ERCC6L2: variants seen among roughly 807,000 people sequenced by gnomAD.
ERCC6L2 encodes the protein DNA excision repair protein ERCC-6-like 2.
Under a neutral mutation model 132.0 loss-of-function variants are expected in ERCC6L2, and 77 were observed. The ratio of observed to expected loss-of-function variants is 0.58; its 90% CI spans 0.49 to 0.71. The LOEUF (loss-of-function observed/expected upper bound fraction) is 0.71. ERCC6L2 is among the 30% of genes least tolerant of loss of function. The pLI is 0.00. For missense variants in ERCC6L2, 1,542 were observed against 1,837.6 expected (o/e 0.84, Z 2.94); for synonymous variants, 583 against 632.4 (o/e 0.92, Z 1.17).
chr9:95,911,216 T>C (rs1293084349), intron 4 of ERCC6L2, among the ~76,000 whole-genome samples: 1 of 152,174 alleles, frequency 6.6e-6, no homozygotes, highest in Non-Finnish European at 1.5e-5. Context: ...TTTTAACCAA[T>C]ATACTGTACC....
At chr9:95,992,546 C>CT (rs1176340225) in intron 17 of ERCC6L2, among the ~76,000 whole-genome samples, 3 of 152,184 alleles carry the variant, frequency 2.0e-5, no homozygotes, top group African/African-American at 4.8e-5. Flanking sequence ...GGAATTAACT[C>CT]TAATTTACTA....
In ERCC6L2 at chr9:95,883,864, A is replaced by C. The variant is rs1827727406; in HGVS notation, c.471+2571A>C. On this transcript the variant is annotated intron_variant, in intron 2 of 18. Transcript: ENST00000653738. ...AGAGTGAGACTCTGTCTCACATACA[A>C]AAAAAGAAGAAACATGAGGGTACTA... 2.0e-5 allele frequency among the ~76,000 whole-genome samples: 3 copies of C among 152,194 alleles called. No homozygotes were observed. The South Asian group carries it at 6.2e-4, about 31-fold the overall frequency.
rs757255444 is a variant in ERCC6L2, at chr9:95,962,332, A to G, written c.1948-4230A>G. Among the ~76,000 whole-genome samples, 12 of 152,142 alleles carry G rather than the reference A, an allele frequency of 7.9e-5. 1 individual carries two copies. Among genetic ancestry groups the G allele is most frequent in the Non-Finnish European group, 1.2e-4 (8 of 68,030 alleles). On this transcript the variant is annotated intron_variant, in intron 13 of 18. Coordinates refer to ENST00000653738, the MANE Select transcript of ERCC6L2 (RefSeq NM_020207.7). The stretch of plus-strand genomic sequence containing the variant: ...CTCATATACTACTGTTGAGAGTACA[A>G]CTGGTATAGGTATATGTAGAGTCTC...
chr9:95,933,839 C>G (rs1830445067), intron 11 of ERCC6L2, among the ~76,000 whole-genome samples: 1 of 71,574 alleles, frequency 1.4e-5, no homozygotes, highest in African/African-American at 6.5e-5. Context: ...GAGCAAGACT[C>G]TGTCTCAAAA....
At chr9:95,894,179 G>A (rs1479050524) in intron 2 of ERCC6L2, among the ~76,000 whole-genome samples, 1 of 150,978 alleles carries the variant, frequency 6.6e-6, no homozygotes, top group African/African-American at 2.4e-5. Flanking sequence ...ATCTCATATA[G>A]TTTATTGAAT....
chr9:96,037,925 A>G (rs750410645), intron 19 of ERCC6L2, among the ~76,000 whole-genome samples: 1 of 151,876 alleles, frequency 6.6e-6, no homozygotes, highest in East Asian at 1.9e-4. Context: ...TCTAGTATCT[A>G]TGGATTTGGC....
rs774802251 is a variant in ERCC6L2, at chr9:95,881,135, G to C, written c.313G>C (p.Ala105Pro). ...CCGAAAATTTCCATCATCTTCTGTT[G>C]CTTTTAAATTATCTGACAATGGAGA... is the stretch of plus-strand genomic sequence containing the variant. ...PNRKFPSSSV[A>P]FKLSDNGDSI... Residue 105 changes from alanine (A) to proline (P), a missense_variant, in exon 2 of 19, where the codon GCT becomes CCT. Transcript: ENST00000653738. The C allele has an allele frequency of 1.9e-6, 3 of 1,613,698 alleles. No individual in the cohort carries two copies. The highest frequency in any genetic ancestry group is 8.5e-7 in the Non-Finnish European group (1 of 1,179,862).
intron 14 of ERCC6L2, chr9:95,966,944 T>G (rs547249693): frequency 2.0e-4 from 67 of 328,652 alleles, no homozygotes; most frequent in Admixed American, 1.7e-3. Flanking sequence ...ATGTATATGC[T>G]GGGTAGTATG....
At chr9:95,912,561 A>G (rs1829391666) in intron 4 of ERCC6L2, among the ~76,000 whole-genome samples, 1 of 152,206 alleles carries the variant, frequency 6.6e-6, no homozygotes, top group Non-Finnish European at 1.5e-5. Context: ...TCCTAAAACT[A>G]GTGATACTTC....
intron 2 of ERCC6L2, among the ~76,000 whole-genome samples, chr9:95,894,133 A>G (rs1405414046): frequency 6.6e-6 from 1 of 152,240 alleles, no homozygotes; most frequent in Non-Finnish European, 1.5e-5. Flanking sequence ...GGGCAGAATC[A>G]TCTAACACAA....
exon 20 of ERCC6L2, chr9:96,038,988 C>T: frequency 2.2e-6 from 1 of 454,768 alleles, no homozygotes; most frequent in South Asian, 1.6e-5. Context: ...GCCTCCTGCC[C>T]ACAGCCGTGG....
chr9:95,982,226 G>A (rs1161991849), intron 17 of ERCC6L2, among the ~76,000 whole-genome samples: 1 of 152,070 alleles, frequency 6.6e-6, no homozygotes, highest in Non-Finnish European at 1.5e-5. Context: ...GTAGCGTGGG[G>A]GAGTGTCTTT....
At chr9:95,928,457 A>T (rs913300090) in intron 10 of ERCC6L2, among the ~76,000 whole-genome samples, 2 of 152,166 alleles carry the variant, frequency 1.3e-5, no homozygotes, top group Non-Finnish European at 2.9e-5. Flanking sequence ...TATGTAAATG[A>T]TTTGACCAGT....
At chr9:95,994,673 T>TC (rs1833414688) in intron 17 of ERCC6L2, among the ~76,000 whole-genome samples, 2 of 152,204 alleles carry the variant, frequency 1.3e-5, no homozygotes, top group Non-Finnish European at 2.9e-5. Flanking sequence ...ATGAATCAGA[T>TC]TATCTGCAGA....
intron 1 of ERCC6L2, 48 bp downstream of exon 1, chr9:95,876,132 C>T: frequency 2.0e-6 from 3 of 1,507,678 alleles, no homozygotes; most frequent in East Asian, 2.5e-5. Context: ...TGTACTGCGT[C>T]GCGTTGGACC....
intron 13 of ERCC6L2, among the ~76,000 whole-genome samples, chr9:95,960,796 C>G (rs1831866315): frequency 6.6e-6 from 1 of 152,066 alleles, no homozygotes; most frequent in Non-Finnish European, 1.5e-5. Flanking sequence ...CCACACCAAG[C>G]CAATTTTTTA....
intron 18 of ERCC6L2, among the ~76,000 whole-genome samples, chr9:96,010,893 T>C (rs986343852): frequency 4.6e-5 from 7 of 152,242 alleles, no homozygotes; most frequent in Admixed American, 6.5e-5. Flanking sequence ...CTATAAATAT[T>C]TGTTAAGTGA....
chr9:95,933,710 G>A (rs912688358), intron 11 of ERCC6L2, among the ~76,000 whole-genome samples: 6 of 151,842 alleles, frequency 4.0e-5, no homozygotes, highest in Non-Finnish European at 5.9e-5. Context: ...CAGGTGCAGC[G>A]GTTCATGCCT....
chr9:95,875,989 C>G lies in ERCC6L2; in HGVS notation c.-50C>G, dbSNP rs1304001334. 1 of 1,556,366 alleles carries G rather than the reference C, an allele frequency of 6.4e-7. No individual in the cohort carries two copies. The highest frequency in any genetic ancestry group is 8.7e-7 in the Non-Finnish European group (1 of 1,150,690). ...GGCCAGCCACCTTGCTGTCCTCCGCCGCCTTCCGGGTGTTACATGCAGCCG... is the reference window on the plus strand; with the variant it reads ...GGCCAGCCACCTTGCTGTCCTCCGCGGCCTTCCGGGTGTTACATGCAGCCG... On this transcript the variant is annotated 5_prime_UTR_variant, in exon 1 of 19. Coordinates refer to ENST00000653738, the MANE Select transcript of ERCC6L2 (RefSeq NM_020207.7).
Sources: gnomAD v4.1 joint callset for allele counts (sites outside exome capture counted in the v4.1 genomes callset) on GRCh38, gnomAD v4.1.1 for gene constraint, MANE v1.5 for transcripts, NCBI Gene and HGNC (gene_info 2026-07-23, HGNC 2026-07-21) for gene names.